C7orf78: variants seen among roughly 807,000 people sequenced by gnomAD.
C7orf78 encodes chromosome 7 open reading frame 78, also known as putative uncharacterized protein C7orf78.
chr7:12,505,573 T>C, the C7orf78 span, among the ~76,000 whole-genome samples: 1 of 152,194 alleles, frequency 6.6e-6, no homozygotes, highest in Non-Finnish European at 1.5e-5. Context: ...ACTCTGCTTA[T>C]TGAATGCAGA....
At chr7:12,495,126 A>G in the C7orf78 span, among the ~76,000 whole-genome samples, 1 of 152,164 alleles carries the variant, frequency 6.6e-6, no homozygotes, top group Admixed American at 6.5e-5. Flanking sequence ...CATGTGTCCA[A>G]CAGAGTGTCC....
the C7orf78 span, among the ~76,000 whole-genome samples, chr7:12,516,243 G>A: frequency 6.6e-6 from 1 of 152,232 alleles, no homozygotes; most frequent in Non-Finnish European, 1.5e-5. Flanking sequence ...CCAATGTAGA[G>A]CTTGGGCAAT....
the C7orf78 span, among the ~76,000 whole-genome samples, chr7:12,514,860 T>A: frequency 1.3e-5 from 2 of 151,670 alleles, no homozygotes; most frequent in African/African-American, 4.9e-5. Flanking sequence ...AAAGACTTTA[T>A]TTATCCTGTA....
the C7orf78 span, among the ~76,000 whole-genome samples, chr7:12,496,146 C>G: frequency 3.9e-5 from 6 of 152,122 alleles, no homozygotes; most frequent in Non-Finnish European, 8.8e-5. Flanking sequence ...AGGATGGTCT[C>G]GATCTCCTGA....
the C7orf78 span, among the ~76,000 whole-genome samples, chr7:12,510,234 C>G: frequency 6.6e-6 from 1 of 151,832 alleles, no homozygotes; most frequent in Non-Finnish European, 1.5e-5. Context: ...GGATCACGAT[C>G]CAGCAGTGGC....
chr7:12,535,642 C>T, the C7orf78 span, among the ~76,000 whole-genome samples: 1 of 152,128 alleles, frequency 6.6e-6, no homozygotes, highest in Non-Finnish European at 1.5e-5. Context: ...CTCAAAAGTC[C>T]ACGGTCCAAC....
chr7:12,512,615 C>A, the C7orf78 span, among the ~76,000 whole-genome samples: 2 of 152,064 alleles, frequency 1.3e-5, no homozygotes, highest in African/African-American at 4.8e-5. Flanking sequence ...ATTTTTGCAC[C>A]TCTGTTCATC....
At chr7:12,530,934 C>T in the C7orf78 span, 18 of 397,094 alleles carry the variant, frequency 4.5e-5, no homozygotes, top group Non-Finnish European at 7.5e-5. Flanking sequence ...GATTATTAAA[C>T]AGCAAATTTT....
At chr7:12,500,449 C>T in the C7orf78 span, among the ~76,000 whole-genome samples, 24 of 150,502 alleles carry the variant, frequency 1.6e-4, no homozygotes, top group East Asian at 1.2e-3. Context: ...ATACTACAAA[C>T]ACCTCTACGC....
the C7orf78 span, among the ~76,000 whole-genome samples, chr7:12,484,291 T>G: frequency 6.6e-6 from 1 of 152,194 alleles, no homozygotes; most frequent in Non-Finnish European, 1.5e-5. Flanking sequence ...ATGAGATGGC[T>G]CAATTATGGA....
the C7orf78 span, among the ~76,000 whole-genome samples, chr7:12,501,361 C>G: frequency 6.7e-6 from 1 of 148,878 alleles, no homozygotes; most frequent in Non-Finnish European, 1.5e-5. Context: ...TCTCCTTAAG[C>G]TGATAAGCAA....
the C7orf78 span, among the ~76,000 whole-genome samples, chr7:12,518,479 C>T: frequency 1.3e-5 from 2 of 152,206 alleles, no homozygotes; most frequent in African/African-American, 2.4e-5. Flanking sequence ...TATTCCTGAG[C>T]AGTGCTCACT....
At chr7:12,522,928 T>C in the C7orf78 span, 1 of 397,940 alleles carries the variant, frequency 2.5e-6, no homozygotes, top group Admixed American at 4.4e-5. Flanking sequence ...GAGTACACCA[T>C]TGCTATAGTG....
At chr7:12,519,657 G>A in the C7orf78 span, among the ~76,000 whole-genome samples, 2 of 152,220 alleles carry the variant, frequency 1.3e-5, no homozygotes. Flanking sequence ...TGGAAAGCAT[G>A]TAATTTGGCT....
chr7:12,502,031 G>T, the C7orf78 span, among the ~76,000 whole-genome samples: 1 of 23,978 alleles, frequency 4.2e-5, no homozygotes, highest in Non-Finnish European at 8.7e-5. Flanking sequence ...CTAGCCATAT[G>T]TAGAAAGCTG....
At chr7:12,514,650 G>T in the C7orf78 span, among the ~76,000 whole-genome samples, 2 of 151,894 alleles carry the variant, frequency 1.3e-5, no homozygotes, top group African/African-American at 4.8e-5. Context: ...TGCCCATAGG[G>T]TCTTGTAGTT....
At chr7:12,527,685 G>C in the C7orf78 span, among the ~76,000 whole-genome samples, 58 of 136,204 alleles carry the variant, frequency 4.3e-4, no homozygotes, top group South Asian at 1.3e-3. Context: ...CACTCACTTT[G>C]GTAGAAAATG....
chr7:12,541,604 A>T, the C7orf78 span: 1 of 151,828 alleles, frequency 6.6e-6, no homozygotes, highest in Non-Finnish European at 1.5e-5. Flanking sequence ...AATAGATTTT[A>T]TTTTCAGGAA....
At chr7:12,528,460 G>C in the C7orf78 span, among the ~76,000 whole-genome samples, 1 of 148,156 alleles carries the variant, frequency 6.7e-6, no homozygotes, top group Non-Finnish European at 1.5e-5. Flanking sequence ...TATATGCTAT[G>C]TGTCACTCAC....
Sources: allele counts gnomAD v4.1 joint callset (sites outside exome capture counted in the v4.1 genomes callset), GRCh38; gene constraint gnomAD v4.1.1; transcripts MANE v1.5; gene names NCBI Gene and HGNC (gene_info 2026-07-23, HGNC 2026-07-21).